Variants in GPD2 observed in about 807,000 individuals in gnomAD.
The protein encoded by GPD2 is glycerol-3-phosphate dehydrogenase, mitochondrial.
A neutral mutation model predicts 82.4 loss-of-function variants in GPD2; 54 were observed. The ratio of observed to expected loss-of-function variants is 0.66; its 90% CI spans 0.53 to 0.82. GPD2 has a LOEUF of 0.82. GPD2 is among the 40% of genes least tolerant of loss of function. The pLI is 0.00. For missense variants in GPD2, 748 were observed against 896.2 expected (o/e 0.83, Z 2.11); for synonymous variants, 288 against 306.1 (o/e 0.94, Z 0.62).
At chr2:156,558,040 G>A (rs1433226276) in intron 9 of GPD2, among the ~76,000 whole-genome samples, 1 of 152,188 alleles carries the variant, frequency 6.6e-6, no homozygotes, top group East Asian at 1.9e-4. Context: ...TGACCAGTGG[G>A]CTTAGCAAAG....
chr2:156,498,404 G>A (rs1684463870), intron 3 of GPD2, among the ~76,000 whole-genome samples: 1 of 152,160 alleles, frequency 6.6e-6, no homozygotes, highest in South Asian at 2.1e-4. Context: ...TCAGGAGTGG[G>A]AAACTTTACT....
At chr2:156,448,605 C>G (rs1450096019) in intron 1 of GPD2, among the ~76,000 whole-genome samples, 6 of 152,224 alleles carry the variant, frequency 3.9e-5, no homozygotes, top group Non-Finnish European at 7.3e-5. Context: ...GAGGACTTGA[C>G]ATTTAAGCTG....
intron 1 of GPD2, among the ~76,000 whole-genome samples, chr2:156,444,452 C>G (rs892389088): frequency 6.6e-6 from 1 of 152,156 alleles, no homozygotes; most frequent in Non-Finnish European, 1.5e-5. Flanking sequence ...GTGGCTCATG[C>G]CTGTAATCCC....
intron 3 of GPD2, among the ~76,000 whole-genome samples, chr2:156,500,321 G>A (rs563885587): frequency 1.3e-5 from 2 of 152,248 alleles, no homozygotes; most frequent in Admixed American, 6.5e-5. Flanking sequence ...AGAGATGGCT[G>A]AAGGTAATCT....
chr2:156,548,855 C>G lies in GPD2; in HGVS notation c.662-753C>G, dbSNP rs941559202. Among the ~76,000 whole-genome samples the G allele has an allele frequency of 7.2e-4, 109 of 152,200 alleles. 1 individual carries two copies. Among genetic ancestry groups the G allele is most frequent in the African/African-American group, 2.6e-3 (107 of 41,518 alleles). On this transcript the variant is annotated intron_variant, in intron 6 of 16. Coordinates refer to ENST00000438166, the MANE Select transcript of GPD2 (RefSeq NM_000408.5). ...TAATTCTTCCTGGTCAGCGTTAACT[C>G]CACTGGCAATAATAAATAGAAAAAG...
chr2:156,521,170 A>G (rs1450167677), intron 6 of GPD2, among the ~76,000 whole-genome samples: 1 of 152,260 alleles, frequency 6.6e-6, no homozygotes, highest in African/African-American at 2.4e-5. Context: ...CACATAATGG[A>G]GTAAAACACA....
At chr2:156,427,235 T>A in the GPD2 span, among the ~76,000 whole-genome samples, 5 of 152,376 alleles carry the variant, frequency 3.3e-5, no homozygotes, top group South Asian at 1.0e-3. Context: ...CTGAAGATGC[T>A]TCCAGGAGCT....
In GPD2 at chr2:156,568,897, C is replaced by G; in HGVS notation, c.1238C>G (p.Thr413Ser). 6.2e-7 allele frequency: 1 copy of G among 1,611,200 alleles called. No individual in the cohort carries two copies. The highest frequency in any genetic ancestry group is 1.7e-4 in the Middle Eastern group (1 of 6,058). ...GTTACAGACCCCAAATCTGCAGATA[C>G]TCAGTCTATCTCCCGAAATCATGTT... ...PLVTDPKSAD[T>S]QSISRNHVVD... The change falls in exon 10 of 17, where the codon ACT becomes AGT. Residue 413 changes from threonine (T) to serine (S), a missense_variant. Transcript: ENST00000438166.
At chr2:156,572,884 T>G (rs1019232353) in intron 13 of GPD2, among the ~76,000 whole-genome samples, 2 of 152,132 alleles carry the variant, frequency 1.3e-5, no homozygotes, top group African/African-American at 2.4e-5. Context: ...TTATTTCTCA[T>G]GGTTCTGGAG....
At chr2:156,510,001 T>G (rs1036377412) in intron 3 of GPD2, among the ~76,000 whole-genome samples, 4 of 152,042 alleles carry the variant, frequency 2.6e-5, no homozygotes, top group Non-Finnish European at 4.4e-5. Flanking sequence ...CAGGTTGGTC[T>G]TGAACTCCTG....
the GPD2 span, among the ~76,000 whole-genome samples, chr2:156,410,039 C>G: frequency 6.6e-6 from 1 of 152,070 alleles, no homozygotes; most frequent in African/African-American, 2.4e-5. Context: ...GAGCAATATC[C>G]CATCTCAAAA....
intron 9 of GPD2, among the ~76,000 whole-genome samples, chr2:156,561,816 C>A (rs1165265101): frequency 3.9e-5 from 6 of 152,140 alleles, no homozygotes; most frequent in African/African-American, 1.4e-4. Context: ...AAAAAAGTGT[C>A]AAATCTTAAC....
chr2:156,455,905 T>G lies in GPD2; in HGVS notation c.-9+19392T>G, dbSNP rs1384829304. 2.6e-5 allele frequency among the ~76,000 whole-genome samples: 4 copies of G among 152,356 alleles called. No individual in the cohort carries two copies. The East Asian group carries it at 7.7e-4, about 29-fold the overall frequency. On this transcript the variant is annotated intron_variant, in intron 1 of 16. Transcript: ENST00000438166. Reference sequence around the variant, plus strand: ...ATGAAAACTCACTGCATATTTGAGTTTCCATATTGCCTTTGTTTGGTGAAA... The same window carrying G: ...ATGAAAACTCACTGCATATTTGAGTGTCCATATTGCCTTTGTTTGGTGAAA...
chr2:156,513,148 ATTTAT>A (rs1373964450), intron 5 of GPD2, among the ~76,000 whole-genome samples, 180 bp from the exon 6 acceptor site: 1 of 152,152 alleles, frequency 6.6e-6, no homozygotes, highest in African/African-American at 2.4e-5. Flanking sequence ...AATCTCATTG[ATTTAT>A]TTTACTTATA....
intron 1 of GPD2, among the ~76,000 whole-genome samples, chr2:156,440,781 T>A (rs976416331): frequency 2.0e-4 from 31 of 152,316 alleles, no homozygotes; most frequent in African/African-American, 7.0e-4. Flanking sequence ...TACAAATGTA[T>A]TGTGACATAT....
the GPD2 span, among the ~76,000 whole-genome samples, chr2:156,406,212 AG>A: frequency 1.3e-5 from 2 of 152,214 alleles, no homozygotes; most frequent in East Asian, 1.9e-4. Flanking sequence ...AATCACAAGT[AG>A]TACCCTAAGG....
intron 13 of GPD2, 44 bp downstream of exon 13, chr2:156,571,336 G>A (rs991606089): frequency 2.3e-5 from 29 of 1,263,742 alleles, no homozygotes; most frequent in East Asian, 9.4e-5. Flanking sequence ...TATTGTAAAC[G>A]CGGAATGGCT....
chr2:156,415,487 C>T, the GPD2 span, among the ~76,000 whole-genome samples: 5 of 152,144 alleles, frequency 3.3e-5, no homozygotes, highest in East Asian at 9.7e-4. Flanking sequence ...TTTGTGTCCT[C>T]ATAGCTTAGC....
At chr2:156,553,033 C>T (rs976188965) in intron 8 of GPD2, among the ~76,000 whole-genome samples, 2 of 151,222 alleles carry the variant, frequency 1.3e-5, no homozygotes, top group South Asian at 2.1e-4. Flanking sequence ...CCGAGTAGCT[C>T]GCCCGCCACC....
Sources: gnomAD v4.1 joint callset for allele counts (sites outside exome capture counted in the v4.1 genomes callset) on GRCh38, gnomAD v4.1.1 for gene constraint, MANE v1.5 for transcripts, NCBI Gene and HGNC (gene_info 2026-07-23, HGNC 2026-07-21) for gene names.